The following MYO3B variants were observed in gnomAD, a reference collection of about 807,000 sequenced individuals.
MYO3B encodes the protein myosin IIIB.
In MYO3B, 156 loss-of-function variants were observed where a neutral mutation model predicts 174.6. The observed-to-expected ratio is 0.89, with a 90% CI of 0.78 to 1.02. MYO3B has a LOEUF of 1.02. MYO3B is among the 50% of genes least tolerant of loss of function. The pLI, the probability that MYO3B is intolerant of heterozygous loss-of-function variation, is 0.00. For missense variants in MYO3B, 1,632 were observed against 1,639.4 expected, an observed-to-expected ratio of 1.00 and a Z score of 0.08; for synonymous variants, 563 against 569.1, an observed-to-expected ratio of 0.99 and a Z score of 0.15.
At chr2:170,650,265 C>G (rs542826178) in intron 32 of MYO3B, among the ~76,000 whole-genome samples, 9 of 151,422 alleles carry the variant, frequency 5.9e-5, no homozygotes, top group Non-Finnish European at 1.2e-4. Context: ...ATAGTCTTGT[C>G]CAAATATAGA....
intron 32 of MYO3B, among the ~76,000 whole-genome samples, chr2:170,577,811 G>A (rs1692878667): frequency 6.6e-6 from 1 of 152,186 alleles, no homozygotes; most frequent in South Asian, 2.1e-4. Flanking sequence ...GTGAACCAAA[G>A]CAGTCTTCCA....
At chr2:170,351,377 T>C (rs1302575053) in intron 8 of MYO3B, among the ~76,000 whole-genome samples, 1 of 152,134 alleles carries the variant, frequency 6.6e-6, no homozygotes, top group African/African-American at 2.4e-5. Flanking sequence ...TTCTTCCACA[T>C]ATTCTCCATC....
intron 3 of MYO3B, among the ~76,000 whole-genome samples, chr2:170,211,942 TA>T (rs35573351): frequency 0.35 from 49,353 of 139,092 alleles, 8,171 homozygotes; most frequent in Non-Finnish European, 0.4. Flanking sequence ...AATGTTTTCT[TA>T]AAAAAAAAAA....
intron 32 of MYO3B, among the ~76,000 whole-genome samples, chr2:170,639,756 T>A (rs1697816047): frequency 6.6e-6 from 1 of 152,226 alleles, no homozygotes. Flanking sequence ...TTTTTGGCTT[T>A]GTCATTTCTT....
chr2:170,442,181 T>G (rs578163200), intron 22 of MYO3B, among the ~76,000 whole-genome samples: 1 of 152,344 alleles, frequency 6.6e-6, no homozygotes, highest in African/African-American at 2.4e-5. Context: ...TTATGCTTAC[T>G]TTATAATAAA....
At chr2:170,428,846 A>G (rs2094686200) in intron 22 of MYO3B, among the ~76,000 whole-genome samples, 1 of 152,196 alleles carries the variant, frequency 6.6e-6, no homozygotes, top group South Asian at 2.1e-4. Flanking sequence ...TTGACATATA[A>G]TACAAATGAG....
At chr2:170,619,178 G>A (rs1395018892) in intron 32 of MYO3B, among the ~76,000 whole-genome samples, 2 of 152,036 alleles carry the variant, frequency 1.3e-5, no homozygotes, top group African/African-American at 4.8e-5. Context: ...CCATGCATCC[G>A]TTTATAGGCT....
intron 6 of MYO3B, among the ~76,000 whole-genome samples, chr2:170,220,575 G>A (rs2092885729): frequency 7.0e-6 from 1 of 143,156 alleles, no homozygotes; most frequent in Non-Finnish European, 1.5e-5. Flanking sequence ...CTTGCAGTGA[G>A]CCAAGATTGC....
At chr2:170,535,582 G>GGCTGAGGCTGAGGCTGAGA (rs1689638089) in intron 30 of MYO3B, among the ~76,000 whole-genome samples, 2 of 152,278 alleles carry the variant, frequency 1.3e-5, no homozygotes, top group South Asian at 4.1e-4. Context: ...TGAGAGCATG[G>GGCTGAGGCTGAGGCTGAGA]GCTCCGGGTC....
At chr2:170,611,430 A>C (rs1253622015) in intron 32 of MYO3B, among the ~76,000 whole-genome samples, 1 of 152,188 alleles carries the variant, frequency 6.6e-6, no homozygotes, top group Non-Finnish European at 1.5e-5. Flanking sequence ...AATAACACTT[A>C]TTGCAGCAAA....
chr2:170,540,892 A>G, intron 30 of MYO3B, among the ~76,000 whole-genome samples: 1 of 152,194 alleles, frequency 6.6e-6, no homozygotes. Flanking sequence ...TGAACATATT[A>G]TTAAATTAAA....
At chr2:170,636,601 G>T (rs939426796) in intron 32 of MYO3B, among the ~76,000 whole-genome samples, 2 of 151,984 alleles carry the variant, frequency 1.3e-5, no homozygotes, top group Non-Finnish European at 1.5e-5. Flanking sequence ...GAGCGGCCAC[G>T]AGAGCTGGAA....
chr2:170,243,494 CT>C (rs2093158340), intron 7 of MYO3B, among the ~76,000 whole-genome samples: 1 of 152,204 alleles, frequency 6.6e-6, no homozygotes, highest in African/African-American at 2.4e-5. Context: ...AGCTCCATCA[CT>C]TTCAAGTTCA....
At chr2:170,351,720 A>T (rs2094072140) in intron 8 of MYO3B, among the ~76,000 whole-genome samples, 1 of 152,190 alleles carries the variant, frequency 6.6e-6, no homozygotes, top group Admixed American at 6.5e-5. Flanking sequence ...CACCTGAATA[A>T]ACCTAAAGCT....
chr2:170,328,625 A>C (rs961486457), intron 7 of MYO3B, among the ~76,000 whole-genome samples: 88 of 152,318 alleles, frequency 5.8e-4, no homozygotes, highest in African/African-American at 2.1e-3. Flanking sequence ...GACATGTGGC[A>C]TATGTAAGCC....
intron 25 of MYO3B, among the ~76,000 whole-genome samples, chr2:170,475,921 C>G (rs1188359160): frequency 6.6e-6 from 1 of 152,238 alleles, no homozygotes; most frequent in African/African-American, 2.4e-5. Context: ...GCAAGAGCAT[C>G]TACTTACCAT....
intron 7 of MYO3B, among the ~76,000 whole-genome samples, chr2:170,268,862 G>A (rs571609589): frequency 1.3e-3 from 193 of 152,228 alleles, no homozygotes; most frequent in Non-Finnish European, 2.1e-3. Context: ...GCATTCCACA[G>A]AAGAAAAATA....
chr2:170,181,258 A>G (rs1490866168), intron 1 of MYO3B, among the ~76,000 whole-genome samples: 1 of 152,148 alleles, frequency 6.6e-6, no homozygotes, highest in East Asian at 1.9e-4. Context: ...GTATGTAGAA[A>G]TATAATTGAA....
chr2:170,602,971 G>A (rs2106346072), intron 32 of MYO3B, among the ~76,000 whole-genome samples: 1 of 152,246 alleles, frequency 6.6e-6, no homozygotes, highest in South Asian at 2.1e-4. Context: ...AGGAGGCTGA[G>A]GCAGGAGAAT....
Sources: allele counts gnomAD v4.1 joint callset (sites outside exome capture counted in the v4.1 genomes callset), GRCh38; gene constraint gnomAD v4.1.1; transcripts MANE v1.5; gene names NCBI Gene and HGNC (gene_info 2026-07-23, HGNC 2026-07-21).